WWOX: variants seen among roughly 807,000 people sequenced by gnomAD.
The protein encoded by WWOX is WW domain containing oxidoreductase.
In WWOX, 69 loss-of-function variants were observed where a neutral mutation model predicts 46.2. That is an observed-to-expected ratio of 1.49 (90% CI 1.23 to 1.82). The LOEUF is 1.82. WWOX is among the 40% of genes most tolerant of loss of function. The pLI, the probability that WWOX is intolerant of heterozygous loss-of-function variation, is 0.00. For missense variants in WWOX, 919 were observed against 542.6 expected (o/e 1.69, Z -6.89); for synonymous variants, 359 against 202.6 (o/e 1.77, Z -6.56).
intron 8 of WWOX, among the ~76,000 whole-genome samples, chr16:78,800,235 A>G (rs1010799247): frequency 2.1e-5 from 3 of 145,270 alleles, no homozygotes; most frequent in Non-Finnish European, 3.0e-5. Flanking sequence ...GTAAATGTTC[A>G]TTGTTCCATG....
chr16:78,388,539 TG>T (rs1260598361), intron 6 of WWOX, among the ~76,000 whole-genome samples: 4 of 147,740 alleles, frequency 2.7e-5, no homozygotes, highest in African/African-American at 7.5e-5. Flanking sequence ...CCTAGCTACT[TG>T]GGAGGCTGAG....
intron 8 of WWOX, among the ~76,000 whole-genome samples, chr16:78,466,450 T>G (rs1045045382): frequency 6.6e-6 from 1 of 152,104 alleles, no homozygotes; most frequent in Admixed American, 6.5e-5. Flanking sequence ...ATTTATGTTA[T>G]GTGAATTTCA....
chr16:78,231,761 G>C (rs1282589676), intron 5 of WWOX, among the ~76,000 whole-genome samples: 1 of 152,192 alleles, frequency 6.6e-6, no homozygotes, highest in Non-Finnish European at 1.5e-5. Flanking sequence ...CTGATTCAGA[G>C]AAATCCAGGG....
intron 8 of WWOX, among the ~76,000 whole-genome samples, chr16:78,929,893 T>A (rs1267117653): frequency 6.6e-6 from 1 of 152,142 alleles, no homozygotes; most frequent in African/African-American, 2.4e-5. Context: ...CATCCTTCTT[T>A]CTTAGAAGCA....
At chr16:78,727,439 C>T (rs890640184) in intron 8 of WWOX, among the ~76,000 whole-genome samples, 3 of 152,148 alleles carry the variant, frequency 2.0e-5, no homozygotes, top group African/African-American at 7.2e-5. Flanking sequence ...ACACTGTCCT[C>T]TGGTCCTGGT....
intron 8 of WWOX, among the ~76,000 whole-genome samples, chr16:78,798,806 TGA>T (rs1326643543): frequency 6.6e-6 from 1 of 152,190 alleles, no homozygotes; most frequent in Non-Finnish European, 1.5e-5. Flanking sequence ...ACTGGTCTAT[TGA>T]GAGACTTAGA....
rs62034094 is a variant in WWOX at position 78,430,163 on chromosome 16, G to C, written c.792-2325G>C. ...GTCTTACATGACATCAGGCAACAGA[G>C]TATGTGCAGGGGAATTCTCATTTAT... On this transcript the variant is annotated intron_variant, in intron 7 of 8. Transcript: ENST00000566780. Among the ~76,000 whole-genome samples the C allele has an allele frequency of 7.5e-3, 1,136 of 152,280 alleles. 10 individuals are homozygous for C. The highest frequency in any genetic ancestry group is 0.02 in the Middle Eastern group (6 of 294).
intron 8 of WWOX, among the ~76,000 whole-genome samples, chr16:79,179,470 G>A (rs1409823570): frequency 1.3e-5 from 2 of 152,150 alleles, no homozygotes; most frequent in East Asian, 1.9e-4. Context: ...GCTCCAGTCC[G>A]AACCAAGGGA....
At chr16:78,243,194 A>G (rs933796772) in intron 5 of WWOX, among the ~76,000 whole-genome samples, 1 of 152,162 alleles carries the variant, frequency 6.6e-6, no homozygotes, top group South Asian at 2.1e-4. Context: ...ATTGTTCTAT[A>G]GTAATACACG....
At chr16:78,647,313 C>T (rs542569659) in intron 8 of WWOX, among the ~76,000 whole-genome samples, 9 of 152,108 alleles carry the variant, frequency 5.9e-5, no homozygotes, top group Non-Finnish European at 8.8e-5. Context: ...CCGGCCCAGG[C>T]GAGGATGAGG....
intron 8 of WWOX, among the ~76,000 whole-genome samples, chr16:79,111,693 T>C (rs547039109): frequency 7.9e-5 from 12 of 152,310 alleles, no homozygotes; most frequent in Admixed American, 5.9e-4. Context: ...GGGTAATGTC[T>C]AGGCAAACAG....
At chr16:78,205,433 C>T (rs2036359671) in intron 5 of WWOX, among the ~76,000 whole-genome samples, 1 of 152,074 alleles carries the variant, frequency 6.6e-6, no homozygotes, top group Admixed American at 6.6e-5. Context: ...TCCACACAAC[C>T]ACTTATTCTT....
chr16:78,275,518 C>G (rs1183490376), intron 5 of WWOX, among the ~76,000 whole-genome samples: 1 of 152,228 alleles, frequency 6.6e-6, no homozygotes. Context: ...GCTTCTGCAT[C>G]TCAAAGGATG....
At chr16:78,324,918 G>A (rs541276342) in intron 5 of WWOX, among the ~76,000 whole-genome samples, 25 of 152,292 alleles carry the variant, frequency 1.6e-4, no homozygotes, top group Admixed American at 1.1e-3. Flanking sequence ...GAATCGTATG[G>A]TATGTCAATT....
intron 5 of WWOX, among the ~76,000 whole-genome samples, chr16:78,215,833 G>A (rs2036701836): frequency 6.6e-6 from 1 of 151,972 alleles, no homozygotes. Flanking sequence ...CCCTGAGGCA[G>A]GAGAATCGCT....
At chr16:79,056,331 G>C (rs566850431) in intron 8 of WWOX, among the ~76,000 whole-genome samples, 1 of 152,196 alleles carries the variant, frequency 6.6e-6, no homozygotes, top group East Asian at 1.9e-4. Flanking sequence ...ATGACAATTT[G>C]TACATTCTTT....
chr16:78,383,119 A>G (rs770389987), intron 5 of WWOX, among the ~76,000 whole-genome samples: 9 of 151,180 alleles, frequency 6.0e-5, no homozygotes, highest in Non-Finnish European at 1.2e-4. Flanking sequence ...AACCAGCCCC[A>G]TGATCCAATC....
At position 79,212,102 on chromosome 16, in the gene WWOX, TTC is replaced by T. The variant is rs1194707094; in HGVS notation, c.*310_*311del. The T allele has an allele frequency of 5.9e-6, 9 of 1,535,672 alleles. No individual in the cohort carries two copies. Among genetic ancestry groups the T allele is most frequent in the Non-Finnish European group, 7.8e-6 (9 of 1,146,830 alleles). ...TATCTCCCTGGAGAAGCACCAGCAA[TTC>T]TCTTTCTTTTACTGTTATAGAATAG... On this transcript the variant is annotated 3_prime_UTR_variant, in exon 9 of 9. Transcript: ENST00000566780.
At chr16:78,981,163 T>C (rs934137760) in intron 8 of WWOX, among the ~76,000 whole-genome samples, 25 of 152,168 alleles carry the variant, frequency 1.6e-4, no homozygotes, top group African/African-American at 5.5e-4. Context: ...TGCAGCACTT[T>C]CCTAAACTCT....
Sources: gnomAD v4.1 joint callset for allele counts (sites outside exome capture counted in the v4.1 genomes callset) on GRCh38, gnomAD v4.1.1 for gene constraint, MANE v1.5 for transcripts, NCBI Gene and HGNC (gene_info 2026-07-23, HGNC 2026-07-21) for gene names.